Variants in SLMAP observed in about 807,000 individuals in gnomAD.
The protein encoded by SLMAP is sarcolemma associated protein.
Under a neutral mutation model 128.8 loss-of-function variants are expected in SLMAP, and 44 were observed. The ratio of observed to expected loss-of-function variants is 0.34; its 90% CI spans 0.27 to 0.44. The LOEUF is 0.44. Among genes scored for constraint, SLMAP ranks in the 20% least tolerant of loss-of-function variants. The pLI is 1.00. For missense variants in SLMAP, 787 were observed against 985.3 expected, an observed-to-expected ratio of 0.80 and a Z score of 2.69; for synonymous variants, 327 against 348.8, an observed-to-expected ratio of 0.94 and a Z score of 0.70.
At chr3:57,883,189 G>A (rs573872480) in intron 14 of SLMAP, among the ~76,000 whole-genome samples, 1 of 152,280 alleles carries the variant, frequency 6.6e-6, no homozygotes, top group African/African-American at 2.4e-5. Flanking sequence ...TAGGAATAGA[G>A]GCTTAGTGAG....
At chr3:57,858,311 T>C in intron 8 of SLMAP, 152 bp downstream of exon 8, 1 of 584,656 alleles carries the variant, frequency 1.7e-6, no homozygotes, top group Non-Finnish European at 3.1e-6. Flanking sequence ...GACATCCATG[T>C]AAATAAAAAT....
chr3:57,871,231 T>C (rs2095473082), intron 13 of SLMAP, among the ~76,000 whole-genome samples: 1 of 152,238 alleles, frequency 6.6e-6, no homozygotes, highest in Non-Finnish European at 1.5e-5. Flanking sequence ...ATTTACCTTT[T>C]GCCTCTTAAC....
At chr3:57,837,255 T>A (rs568691535) in intron 3 of SLMAP, among the ~76,000 whole-genome samples, 1 of 152,326 alleles carries the variant, frequency 6.6e-6, no homozygotes, top group East Asian at 1.9e-4. Flanking sequence ...CTGTAAGCTG[T>A]GCAACTATAG....
intron 2 of SLMAP, among the ~76,000 whole-genome samples, chr3:57,790,171 T>C (rs2085148784): frequency 1.3e-5 from 2 of 152,194 alleles, no homozygotes; most frequent in South Asian, 2.1e-4. Context: ...CAGAAACTTA[T>C]CTTTGCATTT....
At chr3:57,882,719 G>A (rs572343176) in intron 14 of SLMAP, among the ~76,000 whole-genome samples, 2 of 152,254 alleles carry the variant, frequency 1.3e-5, no homozygotes, top group South Asian at 4.1e-4. Context: ...ACTGACCCCT[G>A]GGATAGATCT....
chr3:57,760,607 C>T (rs1307647119), intron 2 of SLMAP, among the ~76,000 whole-genome samples: 1 of 152,036 alleles, frequency 6.6e-6, no homozygotes, highest in Non-Finnish European at 1.5e-5. Flanking sequence ...TGTAGTCCCA[C>T]CTACTCGGGA....
chr3:57,874,313 A>C (rs921334197), intron 14 of SLMAP, among the ~76,000 whole-genome samples: 119 of 152,244 alleles, frequency 7.8e-4, no homozygotes, highest in African/African-American at 2.8e-3. Context: ...ATAAAATACA[A>C]ATCTTTAGAA....
In SLMAP at chr3:57,757,855, G is replaced by C; in HGVS notation, c.198+6G>C. 1 of 1,613,690 alleles carries C rather than the reference G, an allele frequency of 6.2e-7. No homozygotes were observed. The highest frequency in any genetic ancestry group is 8.5e-7 in the Non-Finnish European group (1 of 1,179,630). On this transcript the variant is annotated splice_donor_region_variant and intron_variant, in intron 2 of 24. Coordinates refer to ENST00000671191, the MANE Select transcript of SLMAP (RefSeq NM_001377540.1). ...TTGATCACAAGACGGGCAAGGTAAT[G>C]TCACCACATTGTCCAGCGGCATTGT...
chr3:57,876,604 T>A (rs723635), intron 14 of SLMAP, among the ~76,000 whole-genome samples: 46,676 of 152,138 alleles, frequency 0.31, 7,479 homozygotes, highest in East Asian at 0.48. Flanking sequence ...CCACATTTAG[T>A]GTTCTCTGCA....
intron 8 of SLMAP, among the ~76,000 whole-genome samples, chr3:57,859,093 G>A (rs1347974168): frequency 6.6e-6 from 1 of 152,124 alleles, no homozygotes; most frequent in African/African-American, 2.4e-5. Context: ...GGAGGCCAAG[G>A]CAGGCGGATT....
intron 14 of SLMAP, among the ~76,000 whole-genome samples, chr3:57,876,804 A>G (rs1356570626): frequency 2.0e-5 from 3 of 152,246 alleles, no homozygotes; most frequent in Admixed American, 1.3e-4. Context: ...GACATGGAGA[A>G]CTGCCATCAC....
chr3:57,847,336 A>G (rs2094304125), intron 5 of SLMAP, 103 bp downstream of exon 5: 1 of 835,038 alleles, frequency 1.2e-6, no homozygotes, highest in Non-Finnish European at 2.0e-6. Context: ...CTCTTTTATA[A>G]CAAAATATGT....
chr3:57,893,386 T>C (rs552181647), intron 15 of SLMAP, among the ~76,000 whole-genome samples: 1 of 150,818 alleles, frequency 6.6e-6, no homozygotes, highest in South Asian at 2.1e-4. Flanking sequence ...GTTGTGCCAC[T>C]GTGCTCCAGC....
chr3:57,788,382 G>A (rs2084701289), intron 2 of SLMAP, among the ~76,000 whole-genome samples: 1 of 151,942 alleles, frequency 6.6e-6, no homozygotes, highest in African/African-American at 2.4e-5. Flanking sequence ...TGTGCCTAGA[G>A]GCAAGGGGAC....
Position 57,925,924 on chromosome 3 carries a change from G to C in SLMAP, c.2525G>C (p.Trp842Ser), listed in dbSNP as rs2096999415. The C allele has an allele frequency of 6.5e-7, 1 of 1,549,550 alleles. No homozygotes were observed. The highest frequency in any genetic ancestry group is 8.7e-7 in the Non-Finnish European group (1 of 1,145,812). Residue 842 changes from tryptophan (W) to serine (S), a missense_variant, in exon 24 of 25, where the codon TGG (tryptophan) becomes TCG (serine). Physicochemically the swap from Trp to Ser is radical, Grantham distance 177 (BLOSUM62 -3). Transcript: ENST00000671191. ...CTGTTTTGGTGTTTCGGTCCATTGTGGTAGAGAAAGGTACAAGCACTATTG... is the reference window on the plus strand; with the variant it reads ...CTGTTTTGGTGTTTCGGTCCATTGTCGTAGAGAAAGGTACAAGCACTATTG... ...AFLFWCFGPL[W>S] is the part of the protein sequence containing the mutation.
chr3:57,765,130 T>C (rs2079425229), intron 2 of SLMAP, among the ~76,000 whole-genome samples: 1 of 152,178 alleles, frequency 6.6e-6, no homozygotes, highest in African/African-American at 2.4e-5. Context: ...GTCTGGAAGA[T>C]TGCTTGAGGC....
chr3:57,890,019 TA>T, intron 14 of SLMAP, 21 bp from the exon 15 acceptor site: 2 of 1,573,244 alleles, frequency 1.3e-6, no homozygotes, highest in Non-Finnish European at 1.8e-6. Context: ...GCTTGGATGG[TA>T]ACGTTTATTT....
rs2097027837 is a variant in SLMAP at position 57,927,307 on chromosome 3, C to G, written c.*18C>G. ...TTCTTTCCACACAGAAACCCTGGCC[C>G]TGGATGCCCATGTTGGCTGCCCTGG... On this transcript the variant is annotated 3_prime_UTR_variant, in exon 25 of 25. Coordinates refer to ENST00000671191, the MANE Select transcript of SLMAP (RefSeq NM_001377540.1). The G allele has an allele frequency of 6.2e-7, 1 of 1,605,720 alleles. No homozygotes were observed. Among genetic ancestry groups the G allele is most frequent in the Non-Finnish European group, 8.5e-7 (1 of 1,174,440 alleles).
chr3:57,917,137 G>A (rs565786743), intron 22 of SLMAP, 60 bp downstream of exon 22: 8 of 1,606,922 alleles, frequency 5.0e-6, no homozygotes, highest in South Asian at 3.3e-5. Flanking sequence ...AAAGCAAATC[G>A]GATATCCATG....
Sources: gnomAD v4.1 joint callset for allele counts (sites outside exome capture counted in the v4.1 genomes callset) on GRCh38, gnomAD v4.1.1 for gene constraint, MANE v1.5 for transcripts, NCBI Gene and HGNC (gene_info 2026-07-23, HGNC 2026-07-21) for gene names.